SDK1: variants seen among roughly 807,000 people sequenced by gnomAD.
SDK1 encodes the protein sidekick cell adhesion molecule 1.
SDK1 carries 157 observed loss-of-function variants against 245.5 expected under a neutral mutation model. That is an observed-to-expected ratio of 0.64 (90% CI 0.56 to 0.73). The LOEUF is 0.73. SDK1 is among the 30% of genes least tolerant of loss of function. SDK1 has a pLI of 0.00. For synonymous variants in SDK1, 1,647 were observed against 1,278.5 expected, an observed-to-expected ratio of 1.29 and a Z score of -6.15; for missense variants, 3,583 against 3,002.3, an observed-to-expected ratio of 1.19 and a Z score of -4.52.
chr7:3,362,804 T>G (rs182773188), intron 1 of SDK1, among the ~76,000 whole-genome samples: 2 of 152,336 alleles, frequency 1.3e-5, no homozygotes, highest in Admixed American at 6.5e-5. Context: ...TATACTTTTA[T>G]AGTTTTCCAT....
chr7:4,135,023 C>T (rs747600825), intron 28 of SDK1, among the ~76,000 whole-genome samples: 8 of 152,200 alleles, frequency 5.3e-5, no homozygotes, highest in South Asian at 2.1e-4. Flanking sequence ...CTCACTGCCC[C>T]GCTCCCTGCA....
chr7:3,766,843 G>C (rs1170177182), intron 4 of SDK1, among the ~76,000 whole-genome samples: 1 of 152,166 alleles, frequency 6.6e-6, no homozygotes, highest in Non-Finnish European at 1.5e-5. Flanking sequence ...TGGAATTAAA[G>C]ATATAAATGA....
At chr7:3,428,368 G>C (rs1779734872) in intron 1 of SDK1, among the ~76,000 whole-genome samples, 1 of 152,200 alleles carries the variant, frequency 6.6e-6, no homozygotes, top group Admixed American at 6.5e-5. Flanking sequence ...TCTCAGAACT[G>C]TGCAAAGCAA....
At chr7:4,158,142 C>T (rs1043823020) in intron 30 of SDK1, among the ~76,000 whole-genome samples, 2 of 152,266 alleles carry the variant, frequency 1.3e-5, no homozygotes, top group East Asian at 1.9e-4. Flanking sequence ...CTGGCCAGGA[C>T]GCCCTGCACT....
At chr7:3,503,099 A>G (rs1196319433) in intron 1 of SDK1, among the ~76,000 whole-genome samples, 1 of 152,142 alleles carries the variant, frequency 6.6e-6, no homozygotes, top group Non-Finnish European at 1.5e-5. Flanking sequence ...TTGTATGGAG[A>G]CATTGGTGTG....
At chr7:3,987,857 A>G (rs80044494) in intron 14 of SDK1, among the ~76,000 whole-genome samples, 13,849 of 152,042 alleles carry the variant, frequency 0.091, 738 homozygotes, top group Admixed American at 0.16. Context: ...CCAGCCGCCA[A>G]GCCCTCCTTC....
chr7:3,690,900 C>G (rs1784422111), intron 4 of SDK1, among the ~76,000 whole-genome samples: 1 of 152,154 alleles, frequency 6.6e-6, no homozygotes, highest in African/African-American at 2.4e-5. Context: ...ATAAAATACA[C>G]TCATATTATA....
intron 1 of SDK1, among the ~76,000 whole-genome samples, chr7:3,558,216 C>A (rs1477198739): frequency 6.6e-6 from 1 of 152,170 alleles, no homozygotes; most frequent in African/African-American, 2.4e-5. Flanking sequence ...ATTACTTGAG[C>A]AAAATGGGAG....
chr7:3,565,106 CTTT>C (rs78415022), intron 1 of SDK1, among the ~76,000 whole-genome samples: 1 of 143,534 alleles, frequency 7.0e-6, no homozygotes, highest in Non-Finnish European at 1.5e-5. Context: ...ACTTTTATTA[CTTT>C]TTTTTTTTTT....
intron 3 of SDK1, among the ~76,000 whole-genome samples, chr7:3,641,677 A>G (rs1007884734): frequency 1.3e-5 from 2 of 152,360 alleles, no homozygotes; most frequent in Admixed American, 1.3e-4. Context: ...AGTGTCACAG[A>G]CAGTTGCAGA....
intron 2 of SDK1, among the ~76,000 whole-genome samples, chr7:3,637,869 G>T (rs1782516499): frequency 6.6e-6 from 1 of 152,264 alleles, no homozygotes; most frequent in Non-Finnish European, 1.5e-5. Flanking sequence ...ACTGGAGAGA[G>T]ACGCCCTGAT....
At chr7:3,343,989 C>G (rs1286247722) in intron 1 of SDK1, among the ~76,000 whole-genome samples, 1 of 143,070 alleles carries the variant, frequency 7.0e-6, no homozygotes, top group Middle Eastern at 3.8e-3. Context: ...TGTACAGACA[C>G]TAAACCATAG....
intron 35 of SDK1, among the ~76,000 whole-genome samples, chr7:4,198,283 C>T (rs970286125): frequency 6.6e-6 from 1 of 152,230 alleles, no homozygotes. Flanking sequence ...TGGTCAGAAC[C>T]TACTGCCAGT....
chr7:3,443,559 A>G (rs1583865506), intron 1 of SDK1, among the ~76,000 whole-genome samples: 1 of 152,216 alleles, frequency 6.6e-6, no homozygotes, highest in East Asian at 1.9e-4. Flanking sequence ...GATGATGACT[A>G]GTTACAAAAT....
At chr7:4,202,155 C>T (rs950403882) in intron 35 of SDK1, among the ~76,000 whole-genome samples, 4 of 152,192 alleles carry the variant, frequency 2.6e-5, no homozygotes, top group South Asian at 2.1e-4. Flanking sequence ...CCCCACACTC[C>T]GCCTGGCACC....
intron 2 of SDK1, among the ~76,000 whole-genome samples, chr7:3,630,878 A>G (rs563837814): frequency 1.3e-5 from 2 of 152,074 alleles, no homozygotes; most frequent in Non-Finnish European, 2.9e-5. Context: ...CCCTGAGACA[A>G]ATTACATAAC....
At chr7:3,723,725 CGT>C (rs1778899361) in intron 4 of SDK1, among the ~76,000 whole-genome samples, 1 of 149,948 alleles carries the variant, frequency 6.7e-6, no homozygotes, top group Admixed American at 6.6e-5. Context: ...TGTATATACA[CGT>C]ACATATACAT....
At chr7:4,136,349 A>C (rs1323957587) in intron 28 of SDK1, among the ~76,000 whole-genome samples, 2 of 152,144 alleles carry the variant, frequency 1.3e-5, no homozygotes, top group African/African-American at 2.4e-5. Context: ...GAGAAAGCAA[A>C]ACATCTTTTC....
chr7:4,106,316 T>TC (rs1782906795), intron 22 of SDK1, among the ~76,000 whole-genome samples: 2 of 151,496 alleles, frequency 1.3e-5, no homozygotes, highest in Non-Finnish European at 2.9e-5. Context: ...TCTTTTTTTT[T>TC]TTTTTGAGAC....
Sources: gnomAD v4.1 joint callset for allele counts (sites outside exome capture counted in the v4.1 genomes callset) on GRCh38, gnomAD v4.1.1 for gene constraint, MANE v1.5 for transcripts, NCBI Gene and HGNC (gene_info 2026-07-23, HGNC 2026-07-21) for gene names.